Variants in PRUNE2 observed in about 807,000 individuals in gnomAD.
The protein encoded by PRUNE2 is prune homolog 2 with BCH domain.
PRUNE2 carries 164 observed loss-of-function variants against 252.0 expected under a neutral mutation model. That is an observed-to-expected ratio of 0.65 (90% confidence interval 0.57 to 0.74). The LOEUF is 0.74. Among genes scored for constraint, PRUNE2 ranks in the 30% least tolerant of loss-of-function variants. PRUNE2 has a pLI of 0.00. For synonymous variants in PRUNE2, 1,292 were observed against 1,350.2 expected (o/e 0.96, Z 0.94); for missense variants, 3,495 against 3,711.0 (o/e 0.94, Z 1.51).
At chr9:76,631,089 C>T (rs1049680772) in intron 15 of PRUNE2, among the ~76,000 whole-genome samples, 12 of 152,216 alleles carry the variant, frequency 7.9e-5, no homozygotes, top group African/African-American at 2.9e-4. Flanking sequence ...CAACCGTCCT[C>T]TCCATACAGT....
intron 6 of PRUNE2, chr9:76,785,621 T>G (rs1027157481): frequency 2.0e-5 from 3 of 152,170 alleles, no homozygotes; most frequent in African/African-American, 7.2e-5. Flanking sequence ...TGAGATGTGT[T>G]TGTCCTTGTA....
At chr9:76,624,317 T>C (rs761124071) in intron 17 of PRUNE2, 135 bp downstream of exon 17, 6 of 509,488 alleles carry the variant, frequency 1.2e-5, no homozygotes, top group Non-Finnish European at 1.3e-5. Flanking sequence ...ACATCTATCA[T>C]AGGAGAAAGA....
intron 1 of PRUNE2, chr9:76,857,175 G>A (rs1043302275): frequency 4.0e-5 from 18 of 454,846 alleles, no homozygotes; most frequent in South Asian, 1.1e-4. Context: ...CATCCCCAGC[G>A]CATATACAGT....
chr9:76,715,532 T>C (rs1435887527), intron 6 of PRUNE2, among the ~76,000 whole-genome samples: 1 of 152,220 alleles, frequency 6.6e-6, no homozygotes, highest in Admixed American at 6.5e-5. Flanking sequence ...TCTATTCTCA[T>C]GCTGATGAAC....
At chr9:76,659,181 T>C (rs1850346110) in intron 9 of PRUNE2, among the ~76,000 whole-genome samples, 1 of 152,214 alleles carries the variant, frequency 6.6e-6, no homozygotes, top group Non-Finnish European at 1.5e-5. Context: ...TGCCCTGAGA[T>C]ATTGTAGTTA....
At chr9:76,629,119 AG>A (rs1217308063) in intron 16 of PRUNE2, 72 bp downstream of exon 16, 38 of 874,516 alleles carry the variant, frequency 4.3e-5, no homozygotes, top group Non-Finnish European at 6.7e-5. Context: ...CTAGGATTAC[AG>A]GCGTGAGCCA....
chr9:76,876,141 CA>C (rs1322108406), intron 1 of PRUNE2, among the ~76,000 whole-genome samples: 1 of 152,038 alleles, frequency 6.6e-6, no homozygotes, highest in Admixed American at 6.6e-5. Context: ...AAAAATGAAG[CA>C]ACTAGACACA....
chr9:76,699,538 C>A (rs1723118865), intron 9 of PRUNE2, among the ~76,000 whole-genome samples: 1 of 152,184 alleles, frequency 6.6e-6, no homozygotes, highest in African/African-American at 2.4e-5. Flanking sequence ...CTGAAGACTG[C>A]AGCCCAGAAA....
chr9:76,832,815 A>G (rs2058743252), intron 4 of PRUNE2, among the ~76,000 whole-genome samples: 1 of 152,072 alleles, frequency 6.6e-6, no homozygotes, highest in African/African-American at 2.4e-5. Context: ...GAGACAGGAG[A>G]GAAAGAAGAC....
chr9:76,756,045 T>C (rs1048868203), intron 6 of PRUNE2, among the ~76,000 whole-genome samples: 2 of 152,188 alleles, frequency 1.3e-5, no homozygotes, highest in Non-Finnish European at 2.9e-5. Context: ...AATAATTTCC[T>C]GGTGGTCCTT....
chr9:76,897,644 G>T lies in PRUNE2; in HGVS notation c.36+8284C>A, dbSNP rs2062921444. Among the ~76,000 whole-genome samples, 3 of 151,786 alleles carry T rather than the reference G, an allele frequency of 2.0e-5. No individual in the cohort carries two copies. The South Asian group carries it at 6.2e-4, about 32-fold the overall frequency. On this transcript the variant is annotated intron_variant, in intron 1 of 18. Transcript: ENST00000376718. ...TTGGCTGGACTGGTCTGGAACTCCT[G>T]ACCTCAGGCAATCTGCCTGCCTGGG...
intron 4 of PRUNE2, among the ~76,000 whole-genome samples, chr9:76,845,614 G>C (rs1421825699): frequency 3.3e-5 from 5 of 152,214 alleles, no homozygotes; most frequent in Non-Finnish European, 5.9e-5. Context: ...AACTGTGGAA[G>C]AGACAGAGGA....
In PRUNE2 at chr9:76,895,092, C is replaced by A. The variant is rs112035784; in HGVS notation, c.36+10836G>T. The stretch of plus-strand genomic sequence containing the variant: ...GAGGGAGAAAAAAAAAGCCACTCAT[C>A]CTAAAAGTCCTGTTTTTTCAACTGA... On this transcript the variant is annotated intron_variant, in intron 1 of 18. Coordinates refer to ENST00000376718, the MANE Select transcript of PRUNE2 (RefSeq NM_015225.3). 3.9e-3 allele frequency among the ~76,000 whole-genome samples: 599 copies of A among 152,172 alleles called. 6 individuals are homozygous for A. The highest frequency in any genetic ancestry group is 0.014 in the African/African-American group (564 of 41,528).
At chr9:76,819,280 T>C (rs1489333477) in intron 6 of PRUNE2, 1 of 152,030 alleles carries the variant, frequency 6.6e-6, no homozygotes, top group Non-Finnish European at 1.5e-5. Flanking sequence ...TAAGATAAGA[T>C]TACTAGATGG....
In PRUNE2 at chr9:76,776,889, CACAT is replaced by C. The variant is rs200464947; in HGVS notation, c.756+46739_756+46742del. ...TTGAGTTTCTTTCTCATTACCAAAACACATACACACACACACACACACACACACA... is the reference window on the plus strand; with the variant it reads ...TTGAGTTTCTTTCTCATTACCAAAACACACACACACACACACACACACACA... On this transcript the variant is annotated intron_variant, in intron 6 of 18. Transcript: ENST00000376718. Among the ~76,000 whole-genome samples, 657 of 88,206 alleles carry C rather than the reference CACAT, an allele frequency of 7.4e-3. 5 individuals carry two copies. Among genetic ancestry groups the C allele is most frequent in the African/African-American group, 0.019 (280 of 14,606 alleles). 57.9% of individuals were successfully genotyped at this position (88,206 alleles called of 152,430 possible). A position where few individuals can be genotyped will look rare whatever the true frequency, so the allele number is the denominator to read the frequency against.
At chr9:76,885,635 G>A (rs1302297972) in intron 1 of PRUNE2, among the ~76,000 whole-genome samples, 2 of 152,170 alleles carry the variant, frequency 1.3e-5, no homozygotes, top group Non-Finnish European at 2.9e-5. Context: ...CCCGGTGACA[G>A]GCTGACTGTG....
At chr9:76,766,838 A>T (rs1032560719) in intron 6 of PRUNE2, among the ~76,000 whole-genome samples, 1 of 152,210 alleles carries the variant, frequency 6.6e-6, no homozygotes, top group African/African-American at 2.4e-5. Flanking sequence ...TCTCCAAAGC[A>T]CTGTTCTGCG....
chr9:76,682,395 CTT>C (rs1236032176), intron 9 of PRUNE2, among the ~76,000 whole-genome samples: 3 of 136,684 alleles, frequency 2.2e-5, no homozygotes, highest in Non-Finnish European at 4.6e-5. Context: ...GAGTTTCACT[CTT>C]GTTGCCCAGG....
chr9:76,800,098 C>T (rs1454444180), intron 6 of PRUNE2, among the ~76,000 whole-genome samples: 3 of 152,038 alleles, frequency 2.0e-5, no homozygotes, highest in Non-Finnish European at 4.4e-5. Context: ...ATGTGCACAA[C>T]GTGCAGGTTT....
Sources: allele counts gnomAD v4.1 joint callset (sites outside exome capture counted in the v4.1 genomes callset), GRCh38; gene constraint gnomAD v4.1.1; transcripts MANE v1.5; gene names NCBI Gene and HGNC (gene_info 2026-07-23, HGNC 2026-07-21).